Variants in MLLT3 observed in about 807,000 individuals in gnomAD.
The protein encoded by MLLT3 is protein AF-9.
MLLT3 carries 4 observed loss-of-function variants against 53.2 expected under a neutral mutation model. The observed-to-expected ratio is 0.08, with a 90% CI of 0.04 to 0.17. The LOEUF is 0.17. Ranked by LOEUF, MLLT3 falls within the 10% of genes least tolerant of loss-of-function variation. The pLI, the probability that MLLT3 is intolerant of heterozygous loss-of-function variation, is 1.00. For missense variants in MLLT3, 569 were observed against 684.0 expected (o/e 0.83, Z 1.87); for synonymous variants, 283 against 230.6 (o/e 1.23, Z -2.06).
chr9:20,454,100 TTTC>T (rs939114727), intron 3 of MLLT3, among the ~76,000 whole-genome samples: 1 of 152,214 alleles, frequency 6.6e-6, no homozygotes, highest in Non-Finnish European at 1.5e-5. Context: ...CATATGCTGC[TTTC>T]TTCCTTTATA....
intron 2 of MLLT3, among the ~76,000 whole-genome samples, chr9:20,616,066 A>T (rs1216025942): frequency 1.3e-5 from 2 of 152,154 alleles, no homozygotes; most frequent in African/African-American, 2.4e-5. Flanking sequence ...GATATAACTT[A>T]CACAAAAAAA....
intron 2 of MLLT3, among the ~76,000 whole-genome samples, chr9:20,541,573 A>T (rs149209710): frequency 7.9e-5 from 12 of 152,228 alleles, no homozygotes; most frequent in African/African-American, 2.9e-4. Context: ...TTCAGATCTC[A>T]TGAGAACTCA....
chr9:20,528,429 T>C (rs1818253976), intron 2 of MLLT3, among the ~76,000 whole-genome samples: 1 of 152,238 alleles, frequency 6.6e-6, no homozygotes, highest in South Asian at 2.1e-4. Context: ...GTTAACAAAC[T>C]ACCACAAACT....
intron 5 of MLLT3, among the ~76,000 whole-genome samples, chr9:20,390,218 A>G (rs2118718810): frequency 6.6e-6 from 1 of 152,324 alleles, no homozygotes; most frequent in South Asian, 2.1e-4. Context: ...TATTTGGAGG[A>G]AAAAGTGGTA....
intron 2 of MLLT3, among the ~76,000 whole-genome samples, chr9:20,571,089 AG>A (rs1819521457): frequency 6.6e-6 from 1 of 152,250 alleles, no homozygotes; most frequent in Non-Finnish European, 1.5e-5. Context: ...AGTTACACAC[AG>A]AAAAAAACAA....
At chr9:20,400,365 G>A (rs1022801642) in intron 5 of MLLT3, among the ~76,000 whole-genome samples, 1 of 152,056 alleles carries the variant, frequency 6.6e-6, no homozygotes, top group Non-Finnish European at 1.5e-5. Flanking sequence ...ACTTTATTTA[G>A]ATTTCAATTC....
chr9:20,558,336 T>A (rs747801432), intron 2 of MLLT3, among the ~76,000 whole-genome samples: 1 of 152,238 alleles, frequency 6.6e-6, no homozygotes, highest in Non-Finnish European at 1.5e-5. Context: ...TTTCACCATG[T>A]TGGCCAGGCT....
chr9:20,510,996 TAATG>T (rs1490416010), intron 2 of MLLT3, among the ~76,000 whole-genome samples: 1 of 152,190 alleles, frequency 6.6e-6, no homozygotes, highest in Non-Finnish European at 1.5e-5. Context: ...CCATTAAAAA[TAATG>T]AATTATATAT....
chr9:20,501,675 C>T (rs534197794), intron 2 of MLLT3, among the ~76,000 whole-genome samples: 4 of 143,252 alleles, frequency 2.8e-5, no homozygotes, highest in East Asian at 2.2e-4. Flanking sequence ...GGCGTGAACC[C>T]GGGAAGCGGA....
intron 2 of MLLT3, among the ~76,000 whole-genome samples, chr9:20,609,784 T>A (rs1476264988): frequency 1.3e-5 from 2 of 152,114 alleles, no homozygotes; most frequent in Admixed American, 1.3e-4. Flanking sequence ...TACTTCCCTA[T>A]TACTGCAGCA....
At chr9:20,414,530 C>G in intron 4 of MLLT3, 105 bp from the exon 5 acceptor site, 1 of 1,507,916 alleles carries the variant, frequency 6.6e-7, no homozygotes, top group Non-Finnish European at 8.9e-7. Context: ...CTCAAGCTAT[C>G]ATTAAAATAC....
intron 2 of MLLT3, among the ~76,000 whole-genome samples, chr9:20,545,411 G>A (rs1335592519): frequency 2.0e-5 from 3 of 152,162 alleles, no homozygotes; most frequent in African/African-American, 7.2e-5. Context: ...GGGGTGAAGG[G>A]GAGGGGATCC....
At chr9:20,613,750 G>C (rs932602930) in intron 2 of MLLT3, among the ~76,000 whole-genome samples, 1 of 152,066 alleles carries the variant, frequency 6.6e-6, no homozygotes, top group Non-Finnish European at 1.5e-5. Flanking sequence ...GATTGGCAAA[G>C]ATTTTTTTAA....
At chr9:20,386,652 G>A (rs995056490) in intron 5 of MLLT3, among the ~76,000 whole-genome samples, 32 of 152,156 alleles carry the variant, frequency 2.1e-4, no homozygotes, top group African/African-American at 7.2e-4. Context: ...CTAAAGATGT[G>A]CTGGAATGAG....
At chr9:20,482,385 T>C (rs1033007872) in intron 2 of MLLT3, among the ~76,000 whole-genome samples, 28 of 152,246 alleles carry the variant, frequency 1.8e-4, no homozygotes, top group African/African-American at 5.3e-4. Flanking sequence ...AACTTTGCAA[T>C]GGTCATCCAC....
chr9:20,548,089 T>C (rs1191559119), intron 2 of MLLT3, among the ~76,000 whole-genome samples: 2 of 152,248 alleles, frequency 1.3e-5, no homozygotes, highest in African/African-American at 2.4e-5. Context: ...TAGATTCACA[T>C]ACCCAAGTTG....
At chr9:20,355,029 T>C in intron 8 of MLLT3, 150 bp from the exon 9 acceptor site, 1 of 421,354 alleles carries the variant, frequency 2.4e-6, no homozygotes, top group Non-Finnish European at 4.2e-6. Context: ...CCTTCTTCTC[T>C]CTAATCTTAT....
chr9:20,576,600 A>C (rs1819659574), intron 2 of MLLT3, among the ~76,000 whole-genome samples: 1 of 152,174 alleles, frequency 6.6e-6, no homozygotes, highest in Admixed American at 6.6e-5. Context: ...CAGTCAGAAC[A>C]TACACAGCAT....
chr9:20,446,801 TATA>T (rs907366609), intron 4 of MLLT3, among the ~76,000 whole-genome samples: 15 of 152,272 alleles, frequency 9.9e-5, no homozygotes, highest in East Asian at 3.9e-4. Context: ...TTAATAAAAT[TATA>T]ATAAGTTCCT....
Sources: gnomAD v4.1 joint callset for allele counts (sites outside exome capture counted in the v4.1 genomes callset) on GRCh38, gnomAD v4.1.1 for gene constraint, MANE v1.5 for transcripts, NCBI Gene and HGNC (gene_info 2026-07-23, HGNC 2026-07-21) for gene names.